Variants in RALGPS2 observed in about 807,000 individuals in gnomAD.
The protein encoded by RALGPS2 is Ral GEF with PH domain and SH3 binding motif 2, also known as ras-specific guanine nucleotide-releasing factor RalGPS2.
Under a neutral mutation model 86.8 loss-of-function variants are expected in RALGPS2, and 43 were observed. The ratio of observed to expected loss-of-function variants is 0.50; its 90% CI spans 0.39 to 0.64. RALGPS2 has a LOEUF of 0.64. RALGPS2 is among the 30% of genes least tolerant of loss of function. The pLI is 0.00. For missense variants in RALGPS2, 536 were observed against 694.6 expected (o/e 0.77, Z 2.57); for synonymous variants, 243 against 231.3 (o/e 1.05, Z -0.46).
chr1:178,803,223 A>G (rs998243869), intron 4 of RALGPS2, among the ~76,000 whole-genome samples: 2 of 152,178 alleles, frequency 1.3e-5, no homozygotes, highest in Admixed American at 6.6e-5. Context: ...GAAGAGGTGC[A>G]AGGATATTCA....
chr1:178,855,992 A>G (rs1392122150), intron 8 of RALGPS2, among the ~76,000 whole-genome samples: 2 of 148,848 alleles, frequency 1.3e-5, no homozygotes, highest in African/African-American at 4.9e-5. Flanking sequence ...ATATATAAGA[A>G]CAAAATATAT....
chr1:178,736,610 GTA>G (rs1650719213), intron 1 of RALGPS2, among the ~76,000 whole-genome samples: 1 of 152,196 alleles, frequency 6.6e-6, no homozygotes, highest in African/African-American at 2.4e-5. Context: ...ACAAAAAAGT[GTA>G]TAGAGTCAGG....
Position 178,777,818 on chromosome 1 carries a change from G to T in RALGPS2, c.57+997G>T, listed in dbSNP as rs1187877475. ...AAGGATTCCCTATTTAATAAATGGTGCTGGGAAAACTGGCTAGCCATATGT... is the reference window on the plus strand; with the variant it reads ...AAGGATTCCCTATTTAATAAATGGTTCTGGGAAAACTGGCTAGCCATATGT... On this transcript the variant is annotated intron_variant, in intron 2 of 19. Coordinates refer to ENST00000367635, the MANE Select transcript of RALGPS2 (RefSeq NM_152663.5). Among the ~76,000 whole-genome samples, 23 of 150,826 alleles carry T rather than the reference G, an allele frequency of 1.5e-4. 1 individual carries two copies. The highest frequency in any genetic ancestry group is 1.5e-3 in the Admixed American group (23 of 15,162).
chr1:178,798,079 TA>T (rs1654290944), intron 4 of RALGPS2, among the ~76,000 whole-genome samples: 3 of 150,966 alleles, frequency 2.0e-5, no homozygotes, highest in Non-Finnish European at 4.4e-5. Context: ...ATGTAGATAC[TA>T]GTCTATTTTG....
At chr1:178,815,871 A>G (rs1048806531) in intron 6 of RALGPS2, among the ~76,000 whole-genome samples, 9 of 152,004 alleles carry the variant, frequency 5.9e-5, no homozygotes, top group African/African-American at 2.2e-4. Flanking sequence ...GTGGTTGACT[A>G]CTCTTGCTCA....
At chr1:178,903,610 T>C (rs561870719) in intron 18 of RALGPS2, among the ~76,000 whole-genome samples, 1 of 152,346 alleles carries the variant, frequency 6.6e-6, no homozygotes, top group East Asian at 1.9e-4. Flanking sequence ...TGTTTGGTTT[T>C]CCATTCCTCA....
At chr1:178,903,974 T>A (rs1322958371) in intron 18 of RALGPS2, among the ~76,000 whole-genome samples, 1 of 152,200 alleles carries the variant, frequency 6.6e-6, no homozygotes, top group Non-Finnish European at 1.5e-5. Flanking sequence ...ACCAGCAGTG[T>A]AGAAGTGTTG....
chr1:178,802,396 T>TAGG (rs1459308674), intron 4 of RALGPS2, among the ~76,000 whole-genome samples: 1 of 152,152 alleles, frequency 6.6e-6, no homozygotes, highest in Non-Finnish European at 1.5e-5. Context: ...CTTTGCTTCT[T>TAGG]AGGAGCACTT....
At chr1:178,797,674 T>C (rs1654261363) in intron 4 of RALGPS2, among the ~76,000 whole-genome samples, 1 of 152,122 alleles carries the variant, frequency 6.6e-6, no homozygotes, top group African/African-American at 2.4e-5. Context: ...TAGTACAATA[T>C]CAAAACCAAG....
At chr1:178,770,231 C>T (rs983617761) in intron 1 of RALGPS2, among the ~76,000 whole-genome samples, 1 of 151,932 alleles carries the variant, frequency 6.6e-6, no homozygotes, top group Non-Finnish European at 1.5e-5. Flanking sequence ...GTCACCCAGG[C>T]TGGTCTTGAA....
intron 1 of RALGPS2, among the ~76,000 whole-genome samples, chr1:178,734,197 AAGTT>A (rs1346171186): frequency 6.6e-6 from 1 of 152,224 alleles, no homozygotes; most frequent in East Asian, 1.9e-4. Context: ...TTGAATGAAA[AAGTT>A]AGATAATAAG....
At chr1:178,887,875 GA>G (rs1285280263) in intron 13 of RALGPS2, among the ~76,000 whole-genome samples, 1 of 152,044 alleles carries the variant, frequency 6.6e-6, no homozygotes, top group Non-Finnish European at 1.5e-5. Context: ...GCAAAAGAAA[GA>G]ACTTTTTTTC....
chr1:178,845,838 C>T (rs1242379310), intron 8 of RALGPS2, among the ~76,000 whole-genome samples: 1 of 152,114 alleles, frequency 6.6e-6, no homozygotes, highest in Non-Finnish European at 1.5e-5. Flanking sequence ...TACAAAGGTC[C>T]AGGATATCAT....
chr1:178,787,377 A>G (rs1467755551), intron 4 of RALGPS2, among the ~76,000 whole-genome samples: 1 of 152,180 alleles, frequency 6.6e-6, no homozygotes, highest in East Asian at 1.9e-4. Context: ...GATGAAATTG[A>G]TTTTAATGAT....
intron 1 of RALGPS2, among the ~76,000 whole-genome samples, chr1:178,754,375 A>C (rs1213523152): frequency 1.3e-5 from 2 of 152,172 alleles, no homozygotes; most frequent in African/African-American, 2.4e-5. Flanking sequence ...AAAACAGTTA[A>C]TATGTAATTC....
At chr1:178,780,727 TC>T (rs1305228597) in intron 2 of RALGPS2, among the ~76,000 whole-genome samples, 1 of 152,192 alleles carries the variant, frequency 6.6e-6, no homozygotes, top group Non-Finnish European at 1.5e-5. Flanking sequence ...GAATTTTTCT[TC>T]CCATTCTGGT....
intron 19 of RALGPS2, among the ~76,000 whole-genome samples, chr1:178,907,430 G>T (rs535960790): frequency 1.3e-5 from 2 of 152,262 alleles, no homozygotes; most frequent in East Asian, 3.9e-4. Context: ...TTTGATGTGG[G>T]TTTCTGTGGT....
intron 10 of RALGPS2, among the ~76,000 whole-genome samples, chr1:178,880,503 G>C (rs1356940055): frequency 6.6e-6 from 1 of 152,138 alleles, no homozygotes; most frequent in Non-Finnish European, 1.5e-5. Context: ...TTTAAGACTG[G>C]AGTTGTTTCA....
intron 2 of RALGPS2, among the ~76,000 whole-genome samples, chr1:178,781,012 TTATA>T (rs139284537): frequency 2.0e-5 from 3 of 150,132 alleles, no homozygotes; most frequent in African/African-American, 7.3e-5. Context: ...CTTGAATATG[TTATA>T]TATATATATA....
Sources: allele counts gnomAD v4.1 joint callset (sites outside exome capture counted in the v4.1 genomes callset), GRCh38; gene constraint gnomAD v4.1.1; transcripts MANE v1.5; gene names NCBI Gene and HGNC (gene_info 2026-07-23, HGNC 2026-07-21).